The following SYNE1 variants were observed in gnomAD, a reference collection of about 807,000 sequenced individuals.
The protein encoded by SYNE1 is spectrin repeat containing nuclear envelope protein 1.
A neutral mutation model predicts 1,111.0 loss-of-function variants in SYNE1; 616 were observed. The ratio of observed to expected loss-of-function variants is 0.55; its 90% confidence interval spans 0.52 to 0.59. The LOEUF is 0.59. Among genes scored for constraint, SYNE1 ranks in the 20% least tolerant of loss-of-function variants. The pLI is 0.00. For missense variants in SYNE1, 10,006 were observed against 10,417.0 expected, an observed-to-expected ratio of 0.96 and a Z score of 1.72; for synonymous variants, 3,855 against 3,825.8, an observed-to-expected ratio of 1.01 and a Z score of -0.28.
chr6:152,427,816 C>A lies in SYNE1; in HGVS notation c.4977G>T (p.Arg1659Ser). 2 of 1,613,970 alleles carry A rather than the reference C, an allele frequency of 1.2e-6. No individual in the cohort carries two copies. The highest frequency in any genetic ancestry group is 1.7e-6 in the Non-Finnish European group (2 of 1,180,008). ...ALENLLAHWQ[R>S]LEKELSSFLT... ...AAAAGGATGATAGTTCTTTCTCTAG[C>A]CTAAAGGAAGCAGAGAGCAGAAACA... The change falls in exon 38 of 146, where the codon AGG (arginine) becomes AGT (serine). Residue 1659 changes from arginine (R) to serine (S), a missense_variant and splice_region_variant. Arg to Ser is a moderately radical substitution (Grantham distance 110). Coordinates refer to ENST00000367255, the MANE Select transcript of SYNE1 (RefSeq NM_182961.4).
chr6:152,447,450 T>G lies in SYNE1; in HGVS notation c.3669+8A>C. The G allele has an allele frequency of 1.2e-6, 2 of 1,614,126 alleles. No individual in the cohort carries two copies. Among genetic ancestry groups the G allele is most frequent in the Non-Finnish European group, 1.7e-6 (2 of 1,179,996 alleles). ...ACTGTCTGTTTAGAGTGTGAGTAAA[T>G]GCTGTACCTCTGACAGCAGCGTCAC... On this transcript the variant is annotated splice_region_variant and intron_variant, in intron 29 of 145. Transcript: ENST00000367255.
chr6:152,151,475 T>C, intron 135 of SYNE1, 78 bp downstream of exon 135: 1 of 1,576,510 alleles, frequency 6.3e-7, no homozygotes, highest in Admixed American at 1.8e-5. Flanking sequence ...TTATTTGCTA[T>C]GTTCTTCACA....
chr6:152,221,529 T>G lies in SYNE1; in HGVS notation c.21553A>C (p.Arg7185=), dbSNP rs769463532. Residue 7185 remains arginine (R), a synonymous_variant, in exon 118 of 146, where the codon AGG becomes CGG. Coordinates refer to ENST00000367255, the MANE Select transcript of SYNE1 (RefSeq NM_182961.4). ...ATAGAGCCAAATTTCTGTAAGCTCC[T>G]TTCCTGTTTTTCCAGATCATCTTGG... ...NLQDDLEKQE[R]SLQKFGSITN... is the part of the protein sequence containing the mutation. 1 of 1,613,962 alleles carries G rather than the reference T, an allele frequency of 6.2e-7. No homozygotes were observed. Among genetic ancestry groups the G allele is most frequent in the South Asian group, 1.1e-5 (1 of 91,082 alleles).
Position 152,472,412 on chromosome 6 carries a change from T to C in SYNE1, c.1352A>G (p.Asp451Gly). ...GTGGGCATCCGTGTTTTGAAGCAGATCCTAAGATACAGTTTAAAAAAAAAT... is the reference window on the plus strand; with the variant it reads ...GTGGGCATCCGTGTTTTGAAGCAGACCCTAAGATACAGTTTAAAAAAAAAT... ...TIQRKLEQHK[D>G]LLQNTDAHKR... The change falls in exon 15 of 146, where the codon GAT (aspartate) becomes GGT (glycine). Residue 451 changes from aspartate to glycine, a missense_variant and splice_region_variant. Transcript: ENST00000367255. 4 of 1,612,476 alleles carry C rather than the reference T, an allele frequency of 2.5e-6. No individual in the cohort carries two copies. Among genetic ancestry groups the C allele is most frequent in the Non-Finnish European group, 3.4e-6 (4 of 1,178,982 alleles).
intron 131 of SYNE1, among the ~76,000 whole-genome samples, chr6:152,159,500 C>T (rs1356174683): frequency 3.3e-5 from 5 of 152,144 alleles, no homozygotes; most frequent in African/African-American, 7.2e-5. Flanking sequence ...AAGTAAAAAA[C>T]GACTAGCAGG....
At chr6:152,306,903 C>CA (rs973985274) in intron 91 of SYNE1, among the ~76,000 whole-genome samples, 791 of 59,810 alleles carry the variant, frequency 0.013, 14 homozygotes, top group African/African-American at 0.024. Context: ...GACTGTGTCT[C>CA]AAAAAAAAAA....
intron 19 of SYNE1, 47 bp from the exon 20 acceptor site, chr6:152,462,937 C>A (rs565899949): frequency 1.2e-6 from 2 of 1,608,586 alleles, no homozygotes; most frequent in African/African-American, 1.3e-5. Flanking sequence ...CATTTAGCTG[C>A]GACCACTGGA....
intron 138 of SYNE1, 118 bp from the exon 139 acceptor site, chr6:152,141,447 T>C: frequency 1.5e-6 from 2 of 1,371,000 alleles, no homozygotes; most frequent in South Asian, 2.4e-5. Flanking sequence ...GGCTCCTCTG[T>C]GCCACCCTGC....
chr6:152,454,606 C>T (rs1384484229), intron 24 of SYNE1, among the ~76,000 whole-genome samples: 2 of 152,182 alleles, frequency 1.3e-5, no homozygotes, highest in Non-Finnish European at 2.9e-5. Flanking sequence ...AGACAATACA[C>T]ATGCACATAT....
chr6:152,328,971 A>G (rs1222747235), intron 78 of SYNE1, among the ~76,000 whole-genome samples: 2 of 152,202 alleles, frequency 1.3e-5, no homozygotes, highest in East Asian at 3.9e-4. Flanking sequence ...TCAGGGCTGC[A>G]TTGTCTGCCT....
At chr6:152,296,228 G>A (rs551651052) in intron 93 of SYNE1, among the ~76,000 whole-genome samples, 8 of 152,126 alleles carry the variant, frequency 5.3e-5, no homozygotes, top group South Asian at 4.2e-4. Context: ...AACCCTTTCC[G>A]GAAACACTTT....
rs866611974 is a variant in SYNE1 at position 152,381,011 on chromosome 6, C to G, written c.9004G>C (p.Gly3002Arg). Residue 3002 changes from glycine to arginine, a missense_variant, in exon 56 of 146, where the codon GGA (glycine) becomes CGA (arginine). Around this residue, in one of 7 missense-constraint regions of SYNE1, gnomAD observed 4,955 missense variants for 5,017.2 expected, o/e 0.99. Coordinates refer to ENST00000367255, the MANE Select transcript of SYNE1 (RefSeq NM_182961.4). The part of the protein sequence containing the change: ...DEEIVECWHK[G>R]QEILDALQKA... ...AAAACAGGAAGCCAACTTACTTGTCCTTTGTGCCAGCATTCCACTATCTCC... is the reference window on the plus strand; with the variant it reads ...AAAACAGGAAGCCAACTTACTTGTCGTTTGTGCCAGCATTCCACTATCTCC... 2 of 1,613,982 alleles carry G rather than the reference C, an allele frequency of 1.2e-6. No homozygotes were observed. The highest frequency in any genetic ancestry group is 8.5e-7 in the Non-Finnish European group (1 of 1,179,924).
intron 127 of SYNE1, among the ~76,000 whole-genome samples, chr6:152,193,201 T>A (rs1563372978): frequency 6.6e-6 from 1 of 152,254 alleles, no homozygotes; most frequent in Non-Finnish European, 1.5e-5. Flanking sequence ...TGTTTTAATT[T>A]GTTGCTTTTT....
intron 3 of SYNE1, among the ~76,000 whole-genome samples, chr6:152,587,606 G>C (rs1471393718): frequency 1.3e-5 from 2 of 152,182 alleles, no homozygotes; most frequent in East Asian, 1.9e-4. Flanking sequence ...AACAGAAAGG[G>C]AACTAAATCT....
chr6:152,597,258 G>A (rs1009998546), intron 3 of SYNE1, among the ~76,000 whole-genome samples: 1 of 152,008 alleles, frequency 6.6e-6, no homozygotes, highest in African/African-American at 2.4e-5. Context: ...ACTACCTAAA[G>A]CACTTTCCTG....
rs568767108 is a variant in SYNE1 at position 152,381,163 on chromosome 6, A to G, written c.8852T>C (p.Met2951Thr). The stretch of plus-strand genomic sequence containing the variant: ...TGAGAATTCCTGCTCCGAAAGGGCC[A>G]TCTGGCTGACCAGGTTCTCCAAACA... ...QSCLENLVSQ[M>T]ALSEQEFSGQ... The change falls in exon 56 of 146, where the codon ATG becomes ACG. Residue 2951 changes from methionine (M) to threonine (T), a missense_variant. Physicochemically the swap from Met to Thr is moderately conservative, Grantham distance 81. Coordinates refer to ENST00000367255, the MANE Select transcript of SYNE1 (RefSeq NM_182961.4). 1.9e-6 allele frequency: 3 copies of G among 1,614,216 alleles called. 1 individual carries two copies. In the South Asian group the frequency reaches 3.3e-5, roughly 18 times the overall value.
At position 152,387,288 on chromosome 6, in the gene SYNE1, T is replaced by C; in HGVS notation, c.8271A>G (p.Glu2757=). Residue 2757 remains glutamate (E), a synonymous_variant, in exon 54 of 146, where the codon GAA becomes GAG. Transcript: ENST00000367255. The stretch of plus-strand genomic sequence containing the variant: ...GACCTGGCTGTGGTTGTAAGGGATG[T>C]TCTATTTTTTGATCCACTGATTCCA... ...QWMESVDQKI[E]HPLQPQPGLK... 1 of 1,614,212 alleles carries C rather than the reference T, an allele frequency of 6.2e-7. No individual in the cohort carries two copies. The highest frequency in any genetic ancestry group is 8.5e-7 in the Non-Finnish European group (1 of 1,180,032).
chr6:152,430,696 T>G lies in SYNE1; in HGVS notation c.4475A>C (p.Glu1492Ala). ...QISQIKVTIQ[E>A]IESKLSSIVG... ...AATGCTGCTGAGCTTACTTTCTATT[T>G]CCTGAATTGTGACCTAATAGTTAAA... Residue 1492 changes from glutamate to alanine, a missense_variant, in exon 35 of 146, where the codon GAA becomes GCA. Glu to Ala is a moderately radical substitution (Grantham distance 107). Around this residue, in one of 7 missense-constraint regions of SYNE1, gnomAD observed 1,971 missense variants for 2,084.1 expected, o/e 0.95. Coordinates refer to ENST00000367255, the MANE Select transcript of SYNE1 (RefSeq NM_182961.4). 1 of 1,614,034 alleles carries G rather than the reference T, an allele frequency of 6.2e-7. No homozygotes were observed. Among genetic ancestry groups the G allele is most frequent in the Non-Finnish European group, 8.5e-7 (1 of 1,179,950 alleles).
At chr6:152,260,661 A>C (rs570436907) in intron 101 of SYNE1, among the ~76,000 whole-genome samples, 1 of 151,288 alleles carries the variant, frequency 6.6e-6, no homozygotes, top group Non-Finnish European at 1.5e-5. Flanking sequence ...TGACCTTCAG[A>C]CCAGCGATCC....
Sources: allele counts gnomAD v4.1 joint callset (sites outside exome capture counted in the v4.1 genomes callset), GRCh38; gene constraint gnomAD v4.1.1; regional missense constraint gnomAD v4.1.1; transcripts MANE v1.5; gene names NCBI Gene and HGNC (gene_info 2026-07-23, HGNC 2026-07-21).